The following RAB31 variants were observed in gnomAD, a reference collection of about 807,000 sequenced individuals.
The protein encoded by RAB31 is RAB31, member RAS oncogene family.
Under a neutral mutation model 25.6 loss-of-function variants are expected in RAB31, and 21 were observed. The ratio of observed to expected loss-of-function variants is 0.82; its 90% CI spans 0.58 to 1.18. The LOEUF is 1.18. RAB31 is among the 50% of genes most tolerant of loss of function. The pLI, the probability that RAB31 is intolerant of heterozygous loss-of-function variation, is 0.00. For synonymous variants in RAB31, 87 were observed against 84.0 expected (o/e 1.04, Z -0.20); for missense variants, 196 against 250.1 (o/e 0.78, Z 1.46).
chr18:9,780,897 C>T (rs1406110133), intron 2 of RAB31, among the ~76,000 whole-genome samples: 2 of 152,186 alleles, frequency 1.3e-5, no homozygotes, highest in African/African-American at 4.8e-5. Context: ...TGCCACTGCA[C>T]TCTAGCCTGG....
chr18:9,786,411 G>A (rs1230072112), intron 2 of RAB31, among the ~76,000 whole-genome samples: 3 of 152,198 alleles, frequency 2.0e-5, no homozygotes, highest in African/African-American at 4.8e-5. Context: ...TCTGTAAGCC[G>A]CTGTAGCAAA....
chr18:9,860,549 G>A lies in RAB31; in HGVS notation c.*1224G>A, dbSNP rs1455416138. 1 of 152,172 alleles carries A rather than the reference G, an allele frequency of 6.6e-6. No individual in the cohort carries two copies. Among genetic ancestry groups the A allele is most frequent in the Non-Finnish European group, 1.5e-5 (1 of 68,026 alleles). 9.4% of individuals were successfully genotyped at this position (152,172 alleles called of 1,614,324 possible). On this transcript the variant is annotated 3_prime_UTR_variant, in exon 7 of 7. Coordinates refer to ENST00000578921, the MANE Select transcript of RAB31 (RefSeq NM_006868.4). The stretch of plus-strand genomic sequence containing the variant: ...AAGGAAGAAAAAGCATGGAAAGGAA[G>A]AGAACTGATTCCTACTGAAAATTCA...
At chr18:9,769,415 C>T (rs1427442748) in intron 1 of RAB31, among the ~76,000 whole-genome samples, 3 of 152,132 alleles carry the variant, frequency 2.0e-5, no homozygotes, top group Admixed American at 6.5e-5. Flanking sequence ...CTTCACATCC[C>T]TTGTAAGTTG....
intron 5 of RAB31, among the ~76,000 whole-genome samples, chr18:9,819,450 A>G (rs2068614748): frequency 6.6e-6 from 1 of 152,184 alleles, no homozygotes. Context: ...CACCAGTGTT[A>G]TACTATTTTG....
intron 1 of RAB31, among the ~76,000 whole-genome samples, chr18:9,741,910 A>G (rs1599020192): frequency 6.6e-6 from 1 of 152,302 alleles, no homozygotes; most frequent in East Asian, 1.9e-4. Context: ...CAGGGTCCCC[A>G]GGGACCCAGA....
At chr18:9,854,387 C>T (rs1377413050) in intron 6 of RAB31, among the ~76,000 whole-genome samples, 2 of 152,134 alleles carry the variant, frequency 1.3e-5, no homozygotes, top group Non-Finnish European at 2.9e-5. Context: ...CACTTCTTTA[C>T]CTCCCTAGAC....
At chr18:9,819,542 A>C (rs959679141) in intron 5 of RAB31, among the ~76,000 whole-genome samples, 1 of 152,110 alleles carries the variant, frequency 6.6e-6, no homozygotes, top group African/African-American at 2.4e-5. Context: ...TTGTTTGACT[A>C]TTCTGGACCC....
chr18:9,748,209 A>G (rs1402150987), intron 1 of RAB31, among the ~76,000 whole-genome samples: 3 of 152,172 alleles, frequency 2.0e-5, no homozygotes, highest in Non-Finnish European at 4.4e-5. Context: ...GTAAAACATT[A>G]TATTTGTCTG....
intron 1 of RAB31, among the ~76,000 whole-genome samples, chr18:9,755,784 C>G (rs887815656): frequency 3.9e-5 from 6 of 152,224 alleles, no homozygotes; most frequent in Non-Finnish European, 7.3e-5. Flanking sequence ...ATGAAAGATG[C>G]TAGCGTGCCT....
At chr18:9,772,196 G>C (rs2068348720) in intron 1 of RAB31, among the ~76,000 whole-genome samples, 1 of 151,966 alleles carries the variant, frequency 6.6e-6, no homozygotes, top group African/African-American at 2.4e-5. Flanking sequence ...ATTCCAAAGG[G>C]GTGCTTTTCA....
chr18:9,839,931 T>C (rs1462059327), intron 5 of RAB31, among the ~76,000 whole-genome samples: 4 of 152,150 alleles, frequency 2.6e-5, no homozygotes, highest in Non-Finnish European at 2.9e-5. Flanking sequence ...GCTTTCCCAC[T>C]TCTCCCGCCC....
intron 2 of RAB31, among the ~76,000 whole-genome samples, chr18:9,777,023 T>C (rs954285345): frequency 6.6e-6 from 1 of 152,144 alleles, no homozygotes; most frequent in Admixed American, 6.5e-5. Context: ...TGGGTAAGTA[T>C]AATGCAATTA....
Position 9,800,365 on chromosome 18 carries a change from C to T in RAB31, c.201+8130C>T, listed in dbSNP as rs188608126. ...TGCTATACTTTTACACAGTTCATGA[C>T]GTTCCAACACAAATTTCCCATTAAA... On this transcript the variant is annotated intron_variant, in intron 3 of 6. Coordinates refer to ENST00000578921, the MANE Select transcript of RAB31 (RefSeq NM_006868.4). 6.6e-5 allele frequency among the ~76,000 whole-genome samples: 10 copies of T among 152,248 alleles called. No individual in the cohort carries two copies. In the East Asian group the frequency reaches 1.2e-3, roughly 18 times the overall value.
chr18:9,795,762 G>T (rs114461802), intron 3 of RAB31, among the ~76,000 whole-genome samples: 3,392 of 152,192 alleles, frequency 0.022, 119 homozygotes, highest in African/African-American at 0.077. Context: ...TGGTGAAAAG[G>T]GAACAGTTTT....
chr18:9,739,163 A>G (rs1403574644), intron 1 of RAB31, among the ~76,000 whole-genome samples: 1 of 152,198 alleles, frequency 6.6e-6, no homozygotes, highest in African/African-American at 2.4e-5. Context: ...GTAAATTTGG[A>G]TTTCATTGCC....
chr18:9,752,938 C>T (rs2068242894), intron 1 of RAB31, among the ~76,000 whole-genome samples: 1 of 152,156 alleles, frequency 6.6e-6, no homozygotes, highest in South Asian at 2.1e-4. Context: ...TACACATTTT[C>T]TTTCTTGACT....
chr18:9,709,372 C>A (rs1395365086), intron 1 of RAB31, among the ~76,000 whole-genome samples: 2 of 152,170 alleles, frequency 1.3e-5, no homozygotes, highest in African/African-American at 4.8e-5. Context: ...TTTCAGCAGC[C>A]ATTAGCATCT....
intron 1 of RAB31, among the ~76,000 whole-genome samples, chr18:9,733,992 A>G (rs1476659215): frequency 6.6e-6 from 1 of 151,654 alleles, no homozygotes; most frequent in African/African-American, 2.4e-5. Flanking sequence ...TATTAATACA[A>G]ATGTAAAGAG....
In RAB31 at chr18:9,848,798, G is replaced by A. The variant is rs547737881; in HGVS notation, c.490+3107G>A. Reference sequence around the variant, plus strand: ...AAACAAAATGAATTCACATTGACTCGGATGAAGAGATGAATGTTTCTCTTT... The same window carrying A: ...AAACAAAATGAATTCACATTGACTCAGATGAAGAGATGAATGTTTCTCTTT... On this transcript the variant is annotated intron_variant, in intron 6 of 6. Coordinates refer to ENST00000578921, the MANE Select transcript of RAB31 (RefSeq NM_006868.4). 9.1e-4 allele frequency among the ~76,000 whole-genome samples: 138 copies of A among 152,260 alleles called. 1 individual carries two copies. The highest frequency in any genetic ancestry group is 3.2e-3 in the African/African-American group (131 of 41,550).
Sources: gnomAD v4.1 joint callset for allele counts (sites outside exome capture counted in the v4.1 genomes callset) on GRCh38, gnomAD v4.1.1 for gene constraint, MANE v1.5 for transcripts, NCBI Gene and HGNC (gene_info 2026-07-23, HGNC 2026-07-21) for gene names.